ATP8B1: variants seen among roughly 807,000 people sequenced by gnomAD.
ATP8B1 encodes the protein phospholipid-transporting ATPase IC.
Under a neutral mutation model 149.9 loss-of-function variants are expected in ATP8B1, and 80 were observed. That is an observed-to-expected ratio of 0.53 (90% CI 0.45 to 0.64). The LOEUF (loss-of-function observed/expected upper bound fraction) is 0.64, where lower values mean the gene tolerates loss of function less well. Among genes scored for constraint, ATP8B1 ranks in the 30% least tolerant of loss-of-function variants. The probability of loss-of-function intolerance (pLI) is 0.00; values close to 1 mark genes in which losing one functional copy is unlikely to be tolerated. For missense variants in ATP8B1, 1,247 were observed against 1,552.6 expected (o/e 0.80, Z 3.31); for synonymous variants, 536 against 562.8 (o/e 0.95, Z 0.67).
intron 11 of ATP8B1, among the ~76,000 whole-genome samples, 170 bp downstream of exon 11, chr18:57,694,412 G>A (rs1047856212): frequency 1.3e-5 from 2 of 151,738 alleles, no homozygotes; most frequent in Admixed American, 6.6e-5. Context: ...AAAAAGTAAG[G>A]CATTTCTGGA....
chr18:57,727,662 G>A (rs1035384607), intron 2 of ATP8B1, among the ~76,000 whole-genome samples: 11 of 152,010 alleles, frequency 7.2e-5, no homozygotes, highest in African/African-American at 2.4e-4. Flanking sequence ...GGTAGCATAC[G>A]CCTGTAATCC....
At chr18:57,693,429 C>T (rs906955434) in intron 11 of ATP8B1, among the ~76,000 whole-genome samples, 3 of 152,034 alleles carry the variant, frequency 2.0e-5, no homozygotes, top group African/African-American at 4.8e-5. Flanking sequence ...GCTCATGGGC[C>T]GGGTGCAGTG....
At chr18:57,796,980 G>C (rs1372571470) in intron 1 of ATP8B1, among the ~76,000 whole-genome samples, 1 of 152,208 alleles carries the variant, frequency 6.6e-6, no homozygotes, top group Non-Finnish European at 1.5e-5. Flanking sequence ...TGGATCTACA[G>C]ATCATGCACA....
intron 1 of ATP8B1, among the ~76,000 whole-genome samples, chr18:57,740,254 T>G (rs1169005397): frequency 6.6e-6 from 1 of 151,690 alleles, no homozygotes; most frequent in African/African-American, 2.4e-5. Context: ...CCACGCCTGG[T>G]CCTTCATCAT....
At chr18:57,701,872 AT>A in intron 4 of ATP8B1, among the ~76,000 whole-genome samples, 1 of 151,684 alleles carries the variant, frequency 6.6e-6, no homozygotes, top group South Asian at 2.1e-4. Context: ...ATTTTTTTGT[AT>A]TTTTAGTAGA....
At chr18:57,720,527 G>A (rs763205575) in intron 2 of ATP8B1, among the ~76,000 whole-genome samples, 4 of 122,284 alleles carry the variant, frequency 3.3e-5, no homozygotes, top group Admixed American at 9.4e-5. Flanking sequence ...GAAATGAAGC[G>A]AGAAGGGAAC....
chr18:57,739,952 A>G (rs1208109576), intron 1 of ATP8B1, among the ~76,000 whole-genome samples: 4 of 152,234 alleles, frequency 2.6e-5, no homozygotes, highest in African/African-American at 9.6e-5. Context: ...TAGGAGGCTT[A>G]TAGTCTAGAC....
At chr18:57,657,675 C>T (rs2086351343) in intron 22 of ATP8B1, among the ~76,000 whole-genome samples, 1 of 152,224 alleles carries the variant, frequency 6.6e-6, no homozygotes, top group African/African-American at 2.4e-5. Context: ...AGCATGGTTG[C>T]CAAACTTGCT....
Position 57,685,087 on chromosome 18 carries a change from G to A in ATP8B1, c.1458C>T (p.Asn486=). 1 of 1,614,156 alleles carries A rather than the reference G, an allele frequency of 6.2e-7. No homozygotes were observed. Among genetic ancestry groups the A allele is most frequent in the Non-Finnish European group, 8.5e-7 (1 of 1,180,016 alleles). Residue 486 remains asparagine (N), a synonymous_variant, in exon 14 of 28, where the codon AAC becomes AAT. Coordinates refer to ENST00000648908, the MANE Select transcript of ATP8B1 (RefSeq NM_001374385.1). ...AAGGTCTTACCTCTATTTTGTTGTG[G>A]TTGTGTTGAGAGGCATCCCGATGGT... ...YGDHRDASQH[N]HNKIEQVDFS...
At chr18:57,746,803 T>C (rs1438366665) in intron 1 of ATP8B1, among the ~76,000 whole-genome samples, 4 of 152,142 alleles carry the variant, frequency 2.6e-5, no homozygotes, top group Non-Finnish European at 5.9e-5. Flanking sequence ...AATATCATTC[T>C]GTCTCTTTGC....
intron 24 of ATP8B1, among the ~76,000 whole-genome samples, chr18:57,653,571 C>T (rs1050610966): frequency 2.0e-5 from 3 of 152,074 alleles, no homozygotes; most frequent in Non-Finnish European, 4.4e-5. Flanking sequence ...CAGGCATGAT[C>T]CACCATGCCC....
At chr18:57,788,440 A>G (rs988802159) in intron 1 of ATP8B1, among the ~76,000 whole-genome samples, 8 of 152,070 alleles carry the variant, frequency 5.3e-5, no homozygotes, top group African/African-American at 1.9e-4. Flanking sequence ...CTGTAATCCC[A>G]GCTACTTGGG....
chr18:57,715,888 C>T (rs2079578924), intron 2 of ATP8B1, among the ~76,000 whole-genome samples: 1 of 152,072 alleles, frequency 6.6e-6, no homozygotes, highest in Non-Finnish European at 1.5e-5. Context: ...TAAGAAATCA[C>T]CTGAAGGCAC....
rs531106072 is a variant in ATP8B1 at position 57,686,567 on chromosome 18, T to C, written c.1430-1452A>G. ...TCCTGAATAGCTGGGACTAGAGGCATCCACCACCACGCCCAGGTAATTTTT... is the reference window on the plus strand; with the variant it reads ...TCCTGAATAGCTGGGACTAGAGGCACCCACCACCACGCCCAGGTAATTTTT... On this transcript the variant is annotated intron_variant, in intron 13 of 27. Coordinates refer to ENST00000648908, the MANE Select transcript of ATP8B1 (RefSeq NM_001374385.1). Among the ~76,000 whole-genome samples the C allele has an allele frequency of 3.3e-5, 5 of 152,204 alleles. No homozygotes were observed. In the South Asian group the frequency reaches 1.0e-3, roughly 32 times the overall value.
chr18:57,716,699 C>T (rs2079586425), intron 2 of ATP8B1, among the ~76,000 whole-genome samples: 1 of 152,142 alleles, frequency 6.6e-6, no homozygotes, highest in South Asian at 2.1e-4. Context: ...ATTACTAGAG[C>T]TAAAGAGAGT....
chr18:57,680,299 A>AAAAAAAAAAAAAAAAAAAAAAC (rs1911873544), intron 15 of ATP8B1, among the ~76,000 whole-genome samples: 1 of 134,016 alleles, frequency 7.5e-6, no homozygotes, highest in Non-Finnish European at 1.7e-5. Context: ...AAAAAAAAAA[A>AAAAAAAAAAAAAAAAAAAAAAC]AAAGACTGGG....
At chr18:57,670,745 C>T (rs1266810718) in intron 17 of ATP8B1, among the ~76,000 whole-genome samples, 1 of 152,106 alleles carries the variant, frequency 6.6e-6, no homozygotes, top group Non-Finnish European at 1.5e-5. Flanking sequence ...TTGCTCTTGT[C>T]GCCCAGGCTG....
At chr18:57,696,682 G>A (rs1052796708) in intron 8 of ATP8B1, among the ~76,000 whole-genome samples, 5 of 152,128 alleles carry the variant, frequency 3.3e-5, no homozygotes, top group Non-Finnish European at 7.3e-5. Context: ...CGTGAGGCGC[G>A]AGGAGCAGAG....
chr18:57,672,916 A>AAAAAATG (rs1568189294), intron 16 of ATP8B1, among the ~76,000 whole-genome samples: 1 of 72,320 alleles, frequency 1.4e-5, no homozygotes, highest in Non-Finnish European at 2.5e-5. Context: ...ATATATATAT[A>AAAAAATG]TATATATATA....
Sources: allele counts gnomAD v4.1 joint callset (sites outside exome capture counted in the v4.1 genomes callset), GRCh38; gene constraint gnomAD v4.1.1; transcripts MANE v1.5; gene names NCBI Gene and HGNC (gene_info 2026-07-23, HGNC 2026-07-21).